The following RERE variants were observed in gnomAD, a reference collection of about 807,000 sequenced individuals.
RERE encodes the protein arginine-glutamic acid dipeptide repeats protein.
RERE carries 40 observed loss-of-function variants against 146.1 expected under a neutral mutation model. The ratio of observed to expected loss-of-function variants is 0.27; its 90% CI spans 0.21 to 0.36. The LOEUF (loss-of-function observed/expected upper bound fraction) is 0.36, where lower values mean the gene tolerates loss of function less well. Ranked by LOEUF, RERE falls within the 10% of genes least tolerant of loss-of-function variation. The pLI is 1.00. For missense variants in RERE, 1,933 were observed against 2,138.7 expected (o/e 0.90, Z 1.90); for synonymous variants, 1,003 against 866.0 (o/e 1.16, Z -2.78).
intron 1 of RERE, among the ~76,000 whole-genome samples, chr1:8,762,064 A>G (rs1467722371): frequency 6.6e-6 from 1 of 152,234 alleles, no homozygotes; most frequent in Non-Finnish European, 1.5e-5. Flanking sequence ...AACACCTTCA[A>G]AAAGGCTCCA....
chr1:8,362,545 G>A (rs1051406042), intron 16 of RERE, 138 bp downstream of exon 16: 91 of 1,186,546 alleles, frequency 7.7e-5, no homozygotes, highest in Admixed American at 6.0e-5. Context: ...CCCTAGGCCA[G>A]GACAATGCTG....
intron 3 of RERE, among the ~76,000 whole-genome samples, chr1:8,616,079 A>G (rs1239789648): frequency 6.6e-6 from 1 of 152,226 alleles, no homozygotes; most frequent in East Asian, 1.9e-4. Context: ...TGTACAGCAT[A>G]TTCAATATTT....
At chr1:8,496,498 A>T (rs1645047704) in intron 9 of RERE, among the ~76,000 whole-genome samples, 1 of 144,318 alleles carries the variant, frequency 6.9e-6, no homozygotes, top group Admixed American at 7.2e-5. Flanking sequence ...ACAAGTAACA[A>T]CCAAAAAAAA....
At chr1:8,756,594 T>A (rs1557523538) in intron 1 of RERE, among the ~76,000 whole-genome samples, 1 of 152,232 alleles carries the variant, frequency 6.6e-6, no homozygotes, top group African/African-American at 2.4e-5. Context: ...TGCATCAAAC[T>A]ATAATTCTGT....
intron 4 of RERE, among the ~76,000 whole-genome samples, chr1:8,581,032 T>C (rs1570466688): frequency 6.6e-6 from 1 of 152,186 alleles, no homozygotes; most frequent in Non-Finnish European, 1.5e-5. Context: ...AGATTAATCA[T>C]AGGGCAGATT....
At chr1:8,607,513 T>C (rs1052743532) in intron 4 of RERE, among the ~76,000 whole-genome samples, 3 of 145,208 alleles carry the variant, frequency 2.1e-5, no homozygotes, top group Non-Finnish European at 4.5e-5. Flanking sequence ...AAGCCCCGCA[T>C]ATTTGTTTTT....
chr1:8,470,959 C>G (rs1416203782), intron 10 of RERE, among the ~76,000 whole-genome samples: 2 of 150,972 alleles, frequency 1.3e-5, no homozygotes, highest in Non-Finnish European at 3.0e-5. Flanking sequence ...CCTGGGACTA[C>G]AGGCGCGCCA....
At chr1:8,610,329 G>C (rs982686040) in intron 4 of RERE, among the ~76,000 whole-genome samples, 1 of 151,936 alleles carries the variant, frequency 6.6e-6, no homozygotes, top group Admixed American at 6.6e-5. Flanking sequence ...AGTGGCTCAC[G>C]CCTGTAATCC....
At chr1:8,498,732 T>TATACACACACACACACACAC (rs150497092) in intron 8 of RERE, among the ~76,000 whole-genome samples, 66 of 107,818 alleles carry the variant, frequency 6.1e-4, no homozygotes, top group African/African-American at 1.6e-3. Flanking sequence ...AATAAATATA[T>TATACACACACACACACACAC]ACACACACAC....
intron 1 of RERE, among the ~76,000 whole-genome samples, chr1:8,772,197 T>C (rs1466737341): frequency 6.6e-6 from 1 of 152,150 alleles, no homozygotes; most frequent in Non-Finnish European, 1.5e-5. Flanking sequence ...CTGTTTTATA[T>C]TGAAATATAT....
intron 4 of RERE, among the ~76,000 whole-genome samples, chr1:8,577,150 CAGAG>C (rs948518649): frequency 2.1e-5 from 3 of 145,272 alleles, no homozygotes; most frequent in Middle Eastern, 3.6e-3. Flanking sequence ...GCCTGGGCGA[CAGAG>C]AGAGACTCAA....
chr1:8,595,557 T>C (rs553962711), intron 4 of RERE, among the ~76,000 whole-genome samples: 2 of 151,994 alleles, frequency 1.3e-5, no homozygotes, highest in South Asian at 4.1e-4. Flanking sequence ...AATTGTATTT[T>C]ATTATGTACA....
intron 1 of RERE, among the ~76,000 whole-genome samples, chr1:8,696,213 G>A (rs1210956859): frequency 2.0e-5 from 3 of 152,134 alleles, no homozygotes; most frequent in Non-Finnish European, 2.9e-5. Context: ...AAATTAAATC[G>A]TTCTACCAAA....
At chr1:8,711,979 A>G (rs1347472651) in intron 1 of RERE, among the ~76,000 whole-genome samples, 1 of 152,244 alleles carries the variant, frequency 6.6e-6, no homozygotes, top group Non-Finnish European at 1.5e-5. Flanking sequence ...ACATACATTT[A>G]AATGTTTCAA....
chr1:8,528,268 G>A (rs1339316723), intron 7 of RERE, among the ~76,000 whole-genome samples: 1 of 152,090 alleles, frequency 6.6e-6, no homozygotes, highest in East Asian at 1.9e-4. Flanking sequence ...GAGGAAACAT[G>A]TTGTGAAAAC....
chr1:8,379,915 T>C (rs950574167), intron 12 of RERE, among the ~76,000 whole-genome samples: 5 of 152,200 alleles, frequency 3.3e-5, no homozygotes, highest in Non-Finnish European at 5.9e-5. Flanking sequence ...CTTCACCTAA[T>C]GCAGCACGTA....
At chr1:8,633,171 AC>A (rs1057090770) in intron 2 of RERE, among the ~76,000 whole-genome samples, 3 of 152,206 alleles carry the variant, frequency 2.0e-5, no homozygotes, top group African/African-American at 7.2e-5. Context: ...TATAATCCCA[AC>A]ACATTGGGAG....
At chr1:8,698,257 T>C (rs1639376089) in intron 1 of RERE, among the ~76,000 whole-genome samples, 1 of 152,136 alleles carries the variant, frequency 6.6e-6, no homozygotes. Context: ...GTGCAAAACA[T>C]AAACTGCCCC....
At chr1:8,377,087 A>G (rs1272182606) in intron 12 of RERE, among the ~76,000 whole-genome samples, 1 of 152,198 alleles carries the variant, frequency 6.6e-6, no homozygotes, top group African/African-American at 2.4e-5. Context: ...TTTAAAAATA[A>G]ATAAATAACA....
Sources: allele counts gnomAD v4.1 joint callset (sites outside exome capture counted in the v4.1 genomes callset), GRCh38; gene constraint gnomAD v4.1.1; transcripts MANE v1.5; gene names NCBI Gene and HGNC (gene_info 2026-07-23, HGNC 2026-07-21).